ZNF561: variants seen among roughly 807,000 people sequenced by gnomAD.
ZNF561 encodes zinc finger protein 561.
In ZNF561, 16 loss-of-function variants were observed where a neutral mutation model predicts 16.7. The observed-to-expected ratio is 0.96, with a 90% CI of 0.65 to 1.45. ZNF561 has a LOEUF of 1.45. Among genes scored for constraint, ZNF561 ranks in the 40% most tolerant of loss-of-function variants. ZNF561 has a pLI of 0.00. For missense variants in ZNF561, 580 were observed against 578.0 expected, an observed-to-expected ratio of 1.00 and a Z score of -0.04; for synonymous variants, 190 against 192.1, an observed-to-expected ratio of 0.99 and a Z score of 0.09.
intron 2 of ZNF561, among the ~76,000 whole-genome samples, chr19:9,618,416 A>C (rs1018359348): frequency 1.3e-5 from 2 of 152,182 alleles, no homozygotes; most frequent in Non-Finnish European, 2.9e-5. Context: ...TTTTTCAAGG[A>C]AACTTACACC....
At chr19:9,616,533 G>A (rs542510165) in intron 4 of ZNF561, among the ~76,000 whole-genome samples, 107 of 151,854 alleles carry the variant, frequency 7.0e-4, no homozygotes, top group African/African-American at 2.5e-3. Flanking sequence ...TGCCCGCCTC[G>A]GCCTCCCAAA....
Position 9,607,858 on chromosome 19 carries a change from T to C in ZNF561, c.*2342A>G, listed in dbSNP as rs1410446144. The C allele has an allele frequency of 1.3e-5, 2 of 152,084 alleles. No individual in the cohort carries two copies. Among genetic ancestry groups the C allele is most frequent in the Admixed American group, 6.6e-5 (1 of 15,238 alleles). 9.4% of individuals were successfully genotyped at this position (152,084 alleles called of 1,614,324 possible). Reference sequence around the variant, plus strand: ...AGCTCCAAATCCCAATGTGACTGTATGTGAAAATAGGGTTTTTTAGTTTTG... The same window carrying C: ...AGCTCCAAATCCCAATGTGACTGTACGTGAAAATAGGGTTTTTTAGTTTTG... On this transcript the variant is annotated 3_prime_UTR_variant, in exon 6 of 6. Transcript: ENST00000302851.
rs772032563 is a variant in ZNF561 at position 9,611,000 on chromosome 19, C to A, written c.661G>T (p.Asp221Tyr). Residue 221 changes from aspartate to tyrosine, a missense_variant, in exon 6 of 6, where the codon GAT becomes TAT. Coordinates refer to ENST00000302851, the MANE Select transcript of ZNF561 (RefSeq NM_152289.3). ...SLDNHMGIHT[D>Y]EKLCEFQEYG... ...TCCTGAAATTCACAGAGTTTCTCAT[C>A]AGTGTGGATTCCCATATGATTATCA... 8 of 1,614,054 alleles carry A rather than the reference C, an allele frequency of 5.0e-6. No homozygotes were observed. The Admixed American group carries it at 1.3e-4, about 27-fold the overall frequency.
rs753819320 is a variant in ZNF561 at position 9,617,027 on chromosome 19, T to C, written c.241+18A>G. On this transcript the variant is annotated intron_variant, in intron 4 of 5. Coordinates refer to ENST00000302851, the MANE Select transcript of ZNF561 (RefSeq NM_152289.3). ...CAGGTGCAGGCCACCATGCCAAGCA[T>C]AGTGATGTTACTCTTACCCACAGAG... is the stretch of plus-strand genomic sequence containing the variant. The C allele has an allele frequency of 6.9e-6, 11 of 1,600,082 alleles. No homozygotes were observed. The highest frequency in any genetic ancestry group is 4.5e-5 in the East Asian group (2 of 44,408).
intron 3 of ZNF561, 64 bp from the exon 4 acceptor site, chr19:9,617,235 T>C (rs2074571957): frequency 1.9e-6 from 3 of 1,565,454 alleles, no homozygotes; most frequent in Non-Finnish European, 2.6e-6. Flanking sequence ...CACTGGAGAA[T>C]GATGAAGGGG....
At position 9,607,787 on chromosome 19, in the gene ZNF561, TTAAG is replaced by T. The variant is rs1689896359; in HGVS notation, c.*2409_*2412del. The T allele has an allele frequency of 6.6e-6, 1 of 152,206 alleles. No homozygotes were observed. Among genetic ancestry groups the T allele is most frequent in the Non-Finnish European group, 1.5e-5 (1 of 68,040 alleles). 9.4% of individuals were successfully genotyped at this position (152,206 alleles called of 1,614,324 possible). A position where few individuals can be genotyped will look rare whatever the true frequency, so the allele number is the denominator to read the frequency against. The stretch of plus-strand genomic sequence containing the variant: ...TATGTGGAAACGGAAAAGAATCATA[TTAAG>T]TACTTTGGACTGAATGATAACCCTG... On this transcript the variant is annotated 3_prime_UTR_variant, in exon 6 of 6. Coordinates refer to ENST00000302851, the MANE Select transcript of ZNF561 (RefSeq NM_152289.3).
At chr19:9,618,329 A>G in intron 2 of ZNF561, 150 bp from the exon 3 acceptor site, 1 of 830,304 alleles carries the variant, frequency 1.2e-6, no homozygotes, top group South Asian at 1.8e-5. Flanking sequence ...ATGAAATGCC[A>G]TAGTAAGTCC....
Position 9,608,672 on chromosome 19 carries a change from C to G in ZNF561, c.*1528G>C, listed in dbSNP as rs1407552447. 1 of 152,092 alleles carries G rather than the reference C, an allele frequency of 6.6e-6. No homozygotes were observed. The highest frequency in any genetic ancestry group is 1.5e-5 in the Non-Finnish European group (1 of 68,022). 9.4% of individuals were successfully genotyped at this position (152,092 alleles called of 1,614,324 possible). On this transcript the variant is annotated 3_prime_UTR_variant, in exon 6 of 6. Coordinates refer to ENST00000302851, the MANE Select transcript of ZNF561 (RefSeq NM_152289.3). Reference sequence around the variant, plus strand: ...GGTAAGGGTGATCCTGGTGAGGTGTCATTGGGGAATGAGGAACATGCTATT... The same window carrying G: ...GGTAAGGGTGATCCTGGTGAGGTGTGATTGGGGAATGAGGAACATGCTATT...
chr19:9,616,577 G>A (rs148998657), intron 4 of ZNF561, among the ~76,000 whole-genome samples: 15 of 151,628 alleles, frequency 9.9e-5, no homozygotes, highest in Admixed American at 2.6e-4. Context: ...CACCACAACC[G>A]GCCTAGTCTT....
In ZNF561 at chr19:9,609,494, G is replaced by A. The variant is rs2074407467; in HGVS notation, c.*706C>T. ...ATGCAAAAATTAGAAAACTTGTACT[G>A]AAGAGAATCCTCAAAGTGTGGCTGA... On this transcript the variant is annotated 3_prime_UTR_variant, in exon 6 of 6. Transcript: ENST00000302851. 1 of 152,212 alleles carries A rather than the reference G, an allele frequency of 6.6e-6. No individual in the cohort carries two copies. The highest frequency in any genetic ancestry group is 2.4e-5 in the African/African-American group (1 of 41,446). The allele number at this position is 152,212 out of a possible 1,614,324, so 9.4% of individuals were successfully genotyped here.
rs1414492127 is a variant in ZNF561 at position 9,610,832 on chromosome 19, C to T, written c.829G>A (p.Gly277Arg). The T allele has an allele frequency of 8.7e-6, 14 of 1,613,972 alleles. No individual in the cohort carries two copies. The East Asian group carries it at 2.9e-4, about 33-fold the overall frequency. ...TCTTTACATTCAAAGGACTTCTCTC[C>T]TTTATGAGTTTTCACAGGTGCATAA... The part of the protein sequence containing the change: ...QLYAPVKTHK[G>R]EKSFECKECG... The change falls in exon 6 of 6, where the codon GGA (glycine) becomes AGA (arginine). Residue 277 changes from glycine to arginine, a missense_variant. Physicochemically the swap from Gly to Arg is moderately radical, Grantham distance 125. Coordinates refer to ENST00000302851, the MANE Select transcript of ZNF561 (RefSeq NM_152289.3).
At chr19:9,615,927 A>G (rs760327300) in intron 4 of ZNF561, among the ~76,000 whole-genome samples, 2 of 152,130 alleles carry the variant, frequency 1.3e-5, no homozygotes, top group Non-Finnish European at 2.9e-5. Flanking sequence ...TACTACAAAA[A>G]GATGCTTGCT....
intron 4 of ZNF561, among the ~76,000 whole-genome samples, chr19:9,615,612 A>C (rs1189448940): frequency 2.0e-5 from 3 of 151,328 alleles, no homozygotes; most frequent in Middle Eastern, 6.8e-3. Flanking sequence ...ATAATAAATA[A>C]ATAAAGTAAG....
In ZNF561 at chr19:9,607,447, C is replaced by T. The variant is rs1435354439; in HGVS notation, c.*2753G>A. On this transcript the variant is annotated 3_prime_UTR_variant, in exon 6 of 6. Transcript: ENST00000302851. Reference sequence around the variant, plus strand: ...ATGCACAGGAAGCATTTAATAAATTCAAGAGGAATTCAGCCTCATGAATTA... The same window carrying T: ...ATGCACAGGAAGCATTTAATAAATTTAAGAGGAATTCAGCCTCATGAATTA... 6.6e-6 allele frequency: 1 copy of T among 152,110 alleles called. No homozygotes were observed. The highest frequency in any genetic ancestry group is 6.6e-5 in the Admixed American group (1 of 15,262). 9.4% of individuals were successfully genotyped at this position (152,110 alleles called of 1,614,324 possible).
At chr19:9,612,978 A>C (rs78613384) in intron 5 of ZNF561, among the ~76,000 whole-genome samples, 3,743 of 151,946 alleles carry the variant, frequency 0.025, 156 homozygotes, top group African/African-American at 0.086. Context: ...TATTCCTTGT[A>C]GAGACAGGGT....
rs1331028488 is a variant in ZNF561 at position 9,616,916 on chromosome 19, A to G, written c.241+129T>C. ...GCCTAGAATTTTTTTTTTAAGAGAC[A>G]AGGTATCACAATGTTGCCCATGCTA... On this transcript the variant is annotated intron_variant, in intron 4 of 5. Transcript: ENST00000302851. 9.3e-6 allele frequency: 12 copies of G among 1,294,830 alleles called. No individual in the cohort carries two copies. The African/African-American group carries it at 1.5e-4, about 16-fold the overall frequency. 80.2% of individuals were successfully genotyped at this position (1,294,830 alleles called of 1,614,324 possible).
chr19:9,617,674 C>T (rs10420371), intron 3 of ZNF561: 56,290 of 457,128 alleles, frequency 0.12, 4,580 homozygotes, highest in Admixed American at 0.27. Context: ...ACACTGCTTA[C>T]GCTTGATCTC....
At chr19:9,620,757 A>G (rs2074657772) in intron 1 of ZNF561, among the ~76,000 whole-genome samples, 1 of 152,224 alleles carries the variant, frequency 6.6e-6, no homozygotes, top group Non-Finnish European at 1.5e-5. Flanking sequence ...AATTTTCAAA[A>G]GTCGGCCGGG....
intron 3 of ZNF561, 67 bp downstream of exon 3, chr19:9,618,024 G>A: frequency 7.0e-7 from 1 of 1,434,608 alleles, no homozygotes; most frequent in Non-Finnish European, 9.6e-7. Context: ...AGTCTGTCTA[G>A]AAAGAAATCT....
Sources: gnomAD v4.1 joint callset for allele counts (sites outside exome capture counted in the v4.1 genomes callset) on GRCh38, gnomAD v4.1.1 for gene constraint, MANE v1.5 for transcripts, NCBI Gene and HGNC (gene_info 2026-07-23, HGNC 2026-07-21) for gene names.